The following SPTBN1 variants were observed in gnomAD, a reference collection of about 807,000 sequenced individuals.
The protein encoded by SPTBN1 is spectrin beta chain, non-erythrocytic 1.
A neutral mutation model predicts 266.4 loss-of-function variants in SPTBN1; 32 were observed. That is an observed-to-expected ratio of 0.12 (90% confidence interval 0.09 to 0.16). SPTBN1 has a LOEUF of 0.16. Ranked by LOEUF, SPTBN1 falls within the 10% of genes least tolerant of loss-of-function variation. The probability of loss-of-function intolerance (pLI) is 1.00; values close to 1 mark genes in which losing one functional copy is unlikely to be tolerated. For missense variants in SPTBN1, 2,296 were observed against 3,067.1 expected, an observed-to-expected ratio of 0.75 and a Z score of 5.94; for synonymous variants, 1,336 against 1,162.2, an observed-to-expected ratio of 1.15 and a Z score of -3.04.
At chr2:54,522,192 A>C (rs1670483358) in intron 1 of SPTBN1, among the ~76,000 whole-genome samples, 1 of 151,700 alleles carries the variant, frequency 6.6e-6, no homozygotes, top group Admixed American at 6.6e-5. Flanking sequence ...GTGAGCCACC[A>C]CTCTTGGCCT....
chr2:54,471,020 C>T (rs1365831355), intron 1 of SPTBN1, among the ~76,000 whole-genome samples: 3 of 152,228 alleles, frequency 2.0e-5, no homozygotes, highest in Non-Finnish European at 2.9e-5. Flanking sequence ...GACACTTCTT[C>T]TTCCAGTGTG....
chr2:54,630,052 G>T (rs1398666360), intron 15 of SPTBN1, 23 bp downstream of exon 15: 12 of 1,609,044 alleles, frequency 7.5e-6, no homozygotes, highest in Non-Finnish European at 1.0e-5. Flanking sequence ...CCAGCAGTGT[G>T]CCAGCCTCCC....
At chr2:54,576,169 C>T (rs1333646995) in intron 2 of SPTBN1, among the ~76,000 whole-genome samples, 1 of 147,960 alleles carries the variant, frequency 6.8e-6, no homozygotes, top group African/African-American at 2.5e-5. Flanking sequence ...TTTCTCCTGC[C>T]TCAGCCTCCC....
intron 1 of SPTBN1, among the ~76,000 whole-genome samples, chr2:54,473,805 A>G (rs1694047670): frequency 6.6e-6 from 1 of 152,250 alleles, no homozygotes; most frequent in African/African-American, 2.4e-5. Flanking sequence ...TTAGAAAAAC[A>G]TTCATTTTAA....
At chr2:54,594,619 A>G (rs1053893545) in intron 2 of SPTBN1, among the ~76,000 whole-genome samples, 3 of 152,182 alleles carry the variant, frequency 2.0e-5, no homozygotes, top group Non-Finnish European at 4.4e-5. Context: ...TGCTATAATT[A>G]TATTTTAATA....
intron 33 of SPTBN1, among the ~76,000 whole-genome samples, chr2:54,665,065 C>T (rs1021289526): frequency 6.6e-6 from 1 of 152,148 alleles, no homozygotes; most frequent in Non-Finnish European, 1.5e-5. Context: ...TCCATATCAG[C>T]CTTTATATAT....
At chr2:54,638,831 C>T (rs925370) in intron 18 of SPTBN1, among the ~76,000 whole-genome samples, 4,178 of 152,296 alleles carry the variant, frequency 0.027, 198 homozygotes, top group African/African-American at 0.095. Flanking sequence ...CAACTTCAAT[C>T]ATCACAGACA....
chr2:54,630,975 G>A lies in SPTBN1; in HGVS notation c.2928G>A (p.Lys976=), dbSNP rs1234331425. 1.9e-6 allele frequency: 3 copies of A among 1,614,176 alleles called. No homozygotes were observed. Among genetic ancestry groups the A allele is most frequent in the South Asian group, 1.1e-5 (1 of 91,088 alleles). ...AATCCTGGATTCGGGAAAAGACCAA[G>A]GTCATCGAGTCCACCCAGGACCTGG... ...ETKSWIREKT[K]VIESTQDLGN... Residue 976 remains lysine (K), a synonymous_variant, in exon 16 of 36, where the codon AAG becomes AAA. Transcript: ENST00000356805.
intron 17 of SPTBN1, among the ~76,000 whole-genome samples, 177 bp downstream of exon 17, chr2:54,632,945 G>A (rs1678853336): frequency 6.6e-6 from 1 of 152,222 alleles, no homozygotes; most frequent in Non-Finnish European, 1.5e-5. Flanking sequence ...ATGACTGCCT[G>A]AGAATGTGGG....
chr2:54,594,342 C>G (rs1447382896), intron 2 of SPTBN1, among the ~76,000 whole-genome samples: 1 of 151,900 alleles, frequency 6.6e-6, no homozygotes, highest in African/African-American at 2.4e-5. Flanking sequence ...AAAAAATTAA[C>G]AATACAATAG....
At chr2:54,616,154 T>G in intron 4 of SPTBN1, 53 bp from the exon 5 acceptor site, 2 of 1,516,404 alleles carry the variant, frequency 1.3e-6, no homozygotes, top group Non-Finnish European at 1.8e-6. Context: ...CTTCAGTGGT[T>G]CTTTTAGGCA....
intron 28 of SPTBN1, 93 bp from the exon 29 acceptor site, chr2:54,655,821 G>T: frequency 2.2e-6 from 2 of 907,638 alleles, no homozygotes; most frequent in Non-Finnish European, 1.7e-6. Flanking sequence ...GGTGGTCTTT[G>T]CAGAAAATGT....
intron 1 of SPTBN1, among the ~76,000 whole-genome samples, chr2:54,485,938 G>A (rs1165144338): frequency 4.0e-5 from 6 of 151,510 alleles, no homozygotes; most frequent in Admixed American, 2.6e-4. Flanking sequence ...GAGAAGTGAG[G>A]AGACCCTCTG....
At chr2:54,616,138 C>A (rs146860085) in intron 4 of SPTBN1, 69 bp from the exon 5 acceptor site, 20 of 1,321,428 alleles carry the variant, frequency 1.5e-5, no homozygotes, top group Non-Finnish European at 2.2e-5. Context: ...TATATGCAGA[C>A]CTGTTCTTCA....
intron 2 of SPTBN1, among the ~76,000 whole-genome samples, chr2:54,549,289 CAAA>C (rs35199228): frequency 1.7e-4 from 18 of 108,748 alleles, no homozygotes; most frequent in Admixed American, 1.9e-4. Flanking sequence ...AACTCTGTCT[CAAA>C]AAAAAAAAAA....
chr2:54,561,098 A>C (rs892262607), intron 2 of SPTBN1, among the ~76,000 whole-genome samples: 1 of 152,198 alleles, frequency 6.6e-6, no homozygotes, highest in Non-Finnish European at 1.5e-5. Flanking sequence ...TTCCTAGCAC[A>C]TAATCTCTGA....
chr2:54,615,704 C>T (rs975232466), intron 4 of SPTBN1, among the ~76,000 whole-genome samples: 3 of 152,180 alleles, frequency 2.0e-5, no homozygotes, highest in Non-Finnish European at 4.4e-5. Context: ...TATAATGTTG[C>T]AAATATGCTG....
At chr2:54,541,411 A>G (rs1671931323) in intron 2 of SPTBN1, among the ~76,000 whole-genome samples, 2 of 152,230 alleles carry the variant, frequency 1.3e-5, no homozygotes, top group African/African-American at 2.4e-5. Flanking sequence ...ACCTTGAGAA[A>G]TACAGGATGG....
chr2:54,489,355 A>G (rs1044985802), intron 1 of SPTBN1, among the ~76,000 whole-genome samples: 3 of 151,970 alleles, frequency 2.0e-5, no homozygotes, highest in South Asian at 2.1e-4. Flanking sequence ...TATAACTGAA[A>G]GTACCTTGAA....
Sources: gnomAD v4.1 joint callset for allele counts (sites outside exome capture counted in the v4.1 genomes callset) on GRCh38, gnomAD v4.1.1 for gene constraint, MANE v1.5 for transcripts, NCBI Gene and HGNC (gene_info 2026-07-23, HGNC 2026-07-21) for gene names.